TTLL11: variants seen among roughly 807,000 people sequenced by gnomAD.
TTLL11 encodes tubulin polyglutamylase TTLL11.
A neutral mutation model predicts 51.7 loss-of-function variants in TTLL11; 42 were observed. The observed-to-expected ratio is 0.81, with a 90% CI of 0.64 to 1.05. TTLL11 has a LOEUF of 1.05. TTLL11 is among the 50% of genes least tolerant of loss of function. TTLL11 has a pLI of 0.00. For synonymous variants in TTLL11, 381 were observed against 383.5 expected (o/e 0.99, Z 0.08); for missense variants, 799 against 940.4 (o/e 0.85, Z 1.97).
At position 121,903,270 on chromosome 9, in the gene TTLL11, T is replaced by C. The variant is rs192046122; in HGVS notation, c.1482-32522A>G. On this transcript the variant is annotated intron_variant, in intron 6 of 8. Transcript: ENST00000321582. ...TCACAACAAATAGGAGAGTCAGGATTGGAGCCCGAGTCCCACTCTTTCCAT... is the reference window on the plus strand; with the variant it reads ...TCACAACAAATAGGAGAGTCAGGATCGGAGCCCGAGTCCCACTCTTTCCAT... Among the ~76,000 whole-genome samples the C allele has an allele frequency of 3.3e-4, 51 of 152,298 alleles. No individual in the cohort carries two copies. In the East Asian group the frequency reaches 7.3e-3, roughly 22 times the overall value.
At chr9:121,838,321 C>G (rs75527629) in intron 8 of TTLL11, among the ~76,000 whole-genome samples, 5 of 152,208 alleles carry the variant, frequency 3.3e-5, no homozygotes, top group African/African-American at 4.8e-5. Context: ...TGCCCTCCCC[C>G]ACCTGAGCAG....
intron 6 of TTLL11, among the ~76,000 whole-genome samples, chr9:121,916,723 C>T (rs1008368968): frequency 6.6e-6 from 1 of 152,090 alleles, no homozygotes; most frequent in Non-Finnish European, 1.5e-5. Flanking sequence ...ATGTCAGGCT[C>T]GAGGACAGCT....
chr9:122,071,643 G>A (rs956716182), intron 1 of TTLL11, among the ~76,000 whole-genome samples: 5 of 152,146 alleles, frequency 3.3e-5, no homozygotes, highest in African/African-American at 1.2e-4. Context: ...GAAGGAGAAG[G>A]TGCTTGACCT....
chr9:121,915,668 A>ATTGC (rs929962227), intron 6 of TTLL11, among the ~76,000 whole-genome samples: 2 of 152,176 alleles, frequency 1.3e-5, no homozygotes, highest in Admixed American at 6.5e-5. Flanking sequence ...GAACAAAAAA[A>ATTGC]TTGCTATTTT....
chr9:122,082,492 ACT>A (rs1339011398), intron 1 of TTLL11, among the ~76,000 whole-genome samples: 1 of 123,888 alleles, frequency 8.1e-6, no homozygotes, highest in Admixed American at 9.3e-5. Context: ...ACAGAGCGAG[ACT>A]CTGTCTCAAA....
At chr9:121,826,142 T>C (rs1230166540) in intron 8 of TTLL11, among the ~76,000 whole-genome samples, 1 of 107,564 alleles carries the variant, frequency 9.3e-6, no homozygotes, top group East Asian at 3.1e-4. Flanking sequence ...TTCTACTTTT[T>C]ATCAAAGTAG....
chr9:121,882,077 C>A (rs1394829476), intron 6 of TTLL11, among the ~76,000 whole-genome samples: 3 of 152,198 alleles, frequency 2.0e-5, no homozygotes, highest in Non-Finnish European at 4.4e-5. Flanking sequence ...AGAGCCATAC[C>A]TGGAACGTGG....
chr9:121,951,974 G>A (rs1271220934), intron 6 of TTLL11, among the ~76,000 whole-genome samples: 1 of 152,158 alleles, frequency 6.6e-6, no homozygotes, highest in Non-Finnish European at 1.5e-5. Flanking sequence ...CAGTGAGGAC[G>A]ACCAGAGGTC....
chr9:122,037,243 A>G (rs568935462), intron 2 of TTLL11, among the ~76,000 whole-genome samples: 1 of 152,292 alleles, frequency 6.6e-6, no homozygotes, highest in South Asian at 2.1e-4. Context: ...CAATATCCTA[A>G]TAAGTCCTTT....
At position 121,856,371 on chromosome 9, in the gene TTLL11, C is replaced by T. The variant is rs141583845; in HGVS notation, c.1840+3966G>A. ...TACAGGCATGAGCCACTGCTACTGG[C>T]CCCCACTGTAATACTTGACGTGTCT... On this transcript the variant is annotated intron_variant, in intron 8 of 8. Transcript: ENST00000321582. Among the ~76,000 whole-genome samples, 20 of 152,282 alleles carry T rather than the reference C, an allele frequency of 1.3e-4. No homozygotes were observed. The East Asian group carries it at 3.7e-3, about 28-fold the overall frequency.
chr9:121,936,548 G>C (rs986270676), intron 6 of TTLL11, among the ~76,000 whole-genome samples: 4 of 152,170 alleles, frequency 2.6e-5, no homozygotes, highest in African/African-American at 7.2e-5. Context: ...GCTCCAGTGT[G>C]TGCCTGTAAG....
intron 1 of TTLL11, among the ~76,000 whole-genome samples, chr9:122,080,395 T>C (rs577343836): frequency 6.6e-6 from 1 of 152,084 alleles, no homozygotes; most frequent in Non-Finnish European, 1.5e-5. Context: ...GAAAGTAATA[T>C]GAAATATGCT....
At chr9:122,013,022 TTCC>T (rs1286758807) in intron 3 of TTLL11, among the ~76,000 whole-genome samples, 1 of 152,148 alleles carries the variant, frequency 6.6e-6, no homozygotes, top group Admixed American at 6.6e-5. Flanking sequence ...CAGATTCCAG[TTCC>T]TCAAGGGACC....
intron 1 of TTLL11, among the ~76,000 whole-genome samples, chr9:122,083,461 C>T (rs1297932906): frequency 6.6e-6 from 1 of 152,166 alleles, no homozygotes; most frequent in African/African-American, 2.4e-5. Flanking sequence ...TAAGCCACTG[C>T]TATTTTATGG....
At position 121,974,264 on chromosome 9, in the gene TTLL11, A is replaced by T. The variant is rs1419102858; in HGVS notation, c.1366-140T>A. The T allele has an allele frequency of 2.1e-5, 11 of 518,972 alleles. No individual in the cohort carries two copies. The Middle Eastern group carries it at 3.5e-3, about 165-fold the overall frequency. The allele number at this position is 518,972 out of a possible 1,614,324, so 32.1% of individuals were successfully genotyped here. ...GAAAATTTTTAAAGACTTCCTTTATACTACCTTAAGAATGTCGATTTCCTT... is the reference window on the plus strand; with the variant it reads ...GAAAATTTTTAAAGACTTCCTTTATTCTACCTTAAGAATGTCGATTTCCTT... On this transcript the variant is annotated intron_variant, in intron 5 of 8. Transcript: ENST00000321582.
At chr9:121,881,329 A>G (rs1297642805) in intron 6 of TTLL11, among the ~76,000 whole-genome samples, 1 of 152,192 alleles carries the variant, frequency 6.6e-6, no homozygotes, top group Non-Finnish European at 1.5e-5. Context: ...CTTTGCCTAG[A>G]CTGTAATTTC....
rs1838506310 is a variant in TTLL11, at chr9:121,874,825, C to T, written c.1482-4077G>A. ...AGGCTGCAGTGCAGTGGCGTGATCT[C>T]GGCTCACTGCAACCTCCGCCTCCCG... On this transcript the variant is annotated intron_variant, in intron 6 of 8. Coordinates refer to ENST00000321582, the MANE Select transcript of TTLL11 (RefSeq NM_001139442.2). 2.7e-5 allele frequency among the ~76,000 whole-genome samples: 4 copies of T among 150,634 alleles called. No homozygotes were observed. In the South Asian group the frequency reaches 8.4e-4, roughly 32 times the overall value.
At chr9:121,823,557 A>G (rs1836649784) in intron 8 of TTLL11, among the ~76,000 whole-genome samples, 2 of 152,142 alleles carry the variant, frequency 1.3e-5, no homozygotes, top group South Asian at 4.1e-4. Context: ...GAAAACAAAA[A>G]CAAAAAAACC....
intron 8 of TTLL11, among the ~76,000 whole-genome samples, chr9:121,829,933 G>T (rs774535224): frequency 6.6e-5 from 10 of 151,972 alleles, no homozygotes; most frequent in Non-Finnish European, 1.2e-4. Flanking sequence ...GCTTCTTCTT[G>T]TTTCTTATCA....
Sources: allele counts gnomAD v4.1 joint callset (sites outside exome capture counted in the v4.1 genomes callset), GRCh38; gene constraint gnomAD v4.1.1; transcripts MANE v1.5; gene names NCBI Gene and HGNC (gene_info 2026-07-23, HGNC 2026-07-21).